Variants in KIAA1328 observed in about 807,000 individuals in gnomAD.
The protein encoded by KIAA1328 is protein hinderin.
Under a neutral mutation model 68.1 loss-of-function variants are expected in KIAA1328, and 52 were observed. That is an observed-to-expected ratio of 0.76 (90% CI 0.61 to 0.96). The LOEUF (loss-of-function observed/expected upper bound fraction) is 0.96, where lower values mean the gene tolerates loss of function less well. Ranked by LOEUF, KIAA1328 falls within the 40% of genes least tolerant of loss-of-function variation. KIAA1328 has a pLI of 0.00. For synonymous variants in KIAA1328, 232 were observed against 239.4 expected (o/e 0.97, Z 0.28); for missense variants, 641 against 677.6 (o/e 0.95, Z 0.60).
intron 7 of KIAA1328, among the ~76,000 whole-genome samples, chr18:37,077,364 A>C (rs368393185): frequency 2.1e-5 from 3 of 146,228 alleles, no homozygotes; most frequent in Non-Finnish European, 3.0e-5. Flanking sequence ...TGACAAACCC[A>C]CAGCCAATAC....
chr18:37,224,618 A>G lies in KIAA1328; in HGVS notation c.*2391A>G, dbSNP rs774078161. 7 of 980,646 alleles carry G rather than the reference A, an allele frequency of 7.1e-6. No homozygotes were observed. Among genetic ancestry groups the G allele is most frequent in the South Asian group, 4.7e-5 (1 of 21,202 alleles). The allele number at this position is 980,646 out of a possible 1,614,324, so 60.7% of individuals were successfully genotyped here. A position where few individuals can be genotyped will look rare whatever the true frequency, so the allele number is the denominator to read the frequency against. Reference sequence around the variant, plus strand: ...TTTACTTTGAAATATATACATACATATGAATGAAAGGTTGTTACAGAGCCT... The same window carrying G: ...TTTACTTTGAAATATATACATACATGTGAATGAAAGGTTGTTACAGAGCCT... On this transcript the variant is annotated 3_prime_UTR_variant, in exon 10 of 10. Coordinates refer to ENST00000280020, the MANE Select transcript of KIAA1328 (RefSeq NM_020776.3).
chr18:37,013,184 C>G (rs1488123542), intron 6 of KIAA1328, among the ~76,000 whole-genome samples: 3 of 152,048 alleles, frequency 2.0e-5, no homozygotes, highest in Non-Finnish European at 2.9e-5. Context: ...GATAGGGTAG[C>G]AAGGCACTAG....
chr18:37,198,389 A>G (rs1236829733), intron 9 of KIAA1328, among the ~76,000 whole-genome samples: 4 of 152,214 alleles, frequency 2.6e-5, no homozygotes, highest in South Asian at 2.1e-4. Context: ...ATGCAGCCAC[A>G]TTGTATGCTG....
At chr18:36,847,035 G>A (rs1460145125) in intron 4 of KIAA1328, among the ~76,000 whole-genome samples, 2 of 151,348 alleles carry the variant, frequency 1.3e-5, no homozygotes, top group African/African-American at 4.8e-5. Context: ...TACAATATTT[G>A]ACCTCTGTAT....
At chr18:36,962,494 C>G (rs940171824) in intron 6 of KIAA1328, among the ~76,000 whole-genome samples, 3 of 152,198 alleles carry the variant, frequency 2.0e-5, no homozygotes, top group Admixed American at 1.3e-4. Context: ...ACAGAACTCT[C>G]TACCCCAAAT....
At chr18:37,205,518 T>G (rs1211320092) in intron 9 of KIAA1328, among the ~76,000 whole-genome samples, 1 of 152,210 alleles carries the variant, frequency 6.6e-6, no homozygotes, top group East Asian at 1.9e-4. Context: ...ATTTTCAACA[T>G]TTTTAGCTCA....
At position 36,844,264 on chromosome 18, in the gene KIAA1328, C is replaced by G. The variant is rs777655826; in HGVS notation, c.294C>G (p.Asp98Glu). The G allele has an allele frequency of 6.9e-6, 11 of 1,605,536 alleles. No homozygotes were observed. The South Asian group carries it at 1.2e-4, about 18-fold the overall frequency. ...SASLKDLCLE[D>E]KRRIANLIKE... ...CATTGAAGGATTTATGTCTTGAAGA[C>G]AAAAGACGCATTGCAAACTTAATTA... Residue 98 changes from aspartate to glutamate, a missense_variant, in exon 4 of 10, where the codon GAC becomes GAG. Coordinates refer to ENST00000280020, the MANE Select transcript of KIAA1328 (RefSeq NM_020776.3).
chr18:36,895,802 G>T, intron 5 of KIAA1328: 1 of 456,050 alleles, frequency 2.2e-6, no homozygotes, highest in Non-Finnish European at 4.4e-6. Context: ...CATACTGGTA[G>T]AGCCCTAATC....
At position 37,069,115 on chromosome 18, in the gene KIAA1328, C is replaced by T. The variant is rs566274095; in HGVS notation, c.1232+1570C>T. On this transcript the variant is annotated intron_variant, in intron 7 of 9. Transcript: ENST00000280020. Reference sequence around the variant, plus strand: ...GATCATGTGATTTGTCTTATTTGCCCTGTTAATATGGTGAATTACATAGAT... The same window carrying T: ...GATCATGTGATTTGTCTTATTTGCCTTGTTAATATGGTGAATTACATAGAT... Among the ~76,000 whole-genome samples, 73 of 152,076 alleles carry T rather than the reference C, an allele frequency of 4.8e-4. No individual in the cohort carries two copies. The South Asian group carries it at 0.015, about 31-fold the overall frequency.
intron 6 of KIAA1328, among the ~76,000 whole-genome samples, chr18:37,005,074 A>G (rs2053730146): frequency 6.6e-6 from 1 of 152,094 alleles, no homozygotes; most frequent in South Asian, 2.1e-4. Flanking sequence ...TAAGAATGAT[A>G]CAATGGACTT....
At chr18:37,185,720 T>TATAC (rs1556914867) in intron 9 of KIAA1328, among the ~76,000 whole-genome samples, 13 of 149,584 alleles carry the variant, frequency 8.7e-5, no homozygotes, top group African/African-American at 2.7e-4. Context: ...TACTGATATA[T>TATAC]ACACACACAC....
At chr18:37,151,216 G>A (rs1005302989) in intron 7 of KIAA1328, among the ~76,000 whole-genome samples, 3 of 152,002 alleles carry the variant, frequency 2.0e-5, no homozygotes, top group Non-Finnish European at 2.9e-5. Context: ...AATAAATTTA[G>A]CAAAAGAAGC....
intron 5 of KIAA1328, among the ~76,000 whole-genome samples, chr18:36,907,755 C>G (rs1340504870): frequency 6.6e-5 from 10 of 152,098 alleles, no homozygotes; most frequent in African/African-American, 2.4e-4. Flanking sequence ...TAGTGCTGGC[C>G]TGAAGGAATG....
rs978899645 is a variant in KIAA1328, at chr18:37,067,424, A to G, written c.1111A>G (p.Met371Val). 2 of 1,604,588 alleles carry G rather than the reference A, an allele frequency of 1.2e-6. No individual in the cohort carries two copies. Among genetic ancestry groups the G allele is most frequent in the African/African-American group, 2.7e-5 (2 of 74,768 alleles). ...CTCAGAAGATAGAAAGCAGCAACTGATGCTTCAGAAAATGGAACTGGAAAT... is the reference window on the plus strand; with the variant it reads ...CTCAGAAGATAGAAAGCAGCAACTGGTGCTTCAGAAAATGGAACTGGAAAT... ...QISEDRKQQLMLQKMELEIEK... is the reference protein window; with the variant it reads ...QISEDRKQQLVLQKMELEIEK... Residue 371 changes from methionine to valine, a missense_variant, in exon 7 of 10, where the codon ATG becomes GTG. Met to Val is a conservative substitution (Grantham distance 21). Coordinates refer to ENST00000280020, the MANE Select transcript of KIAA1328 (RefSeq NM_020776.3).
chr18:36,881,558 G>A (rs2048329539), intron 4 of KIAA1328, among the ~76,000 whole-genome samples: 1 of 152,134 alleles, frequency 6.6e-6, no homozygotes. Flanking sequence ...GTTTTAGTAT[G>A]TTTTCATCAC....
chr18:36,887,948 T>C (rs1252693315), intron 5 of KIAA1328, among the ~76,000 whole-genome samples: 2 of 152,206 alleles, frequency 1.3e-5, no homozygotes, highest in Admixed American at 6.5e-5. Context: ...GGCCCTTGTT[T>C]GGTAAAATAC....
At chr18:36,846,770 G>A (rs1029628931) in intron 4 of KIAA1328, among the ~76,000 whole-genome samples, 1 of 151,314 alleles carries the variant, frequency 6.6e-6, no homozygotes, top group African/African-American at 2.4e-5. Flanking sequence ...TGGATGGGGG[G>A]TGGTAAAGTA....
chr18:37,219,720 A>G (rs1330923053), intron 9 of KIAA1328, among the ~76,000 whole-genome samples: 1 of 152,130 alleles, frequency 6.6e-6, no homozygotes, highest in Non-Finnish European at 1.5e-5. Context: ...CCTATTTTCC[A>G]GGTACTGCCT....
At chr18:37,196,192 C>T (rs994236656) in intron 9 of KIAA1328, among the ~76,000 whole-genome samples, 12 of 152,140 alleles carry the variant, frequency 7.9e-5, no homozygotes, top group South Asian at 2.1e-4. Context: ...TTTTTGGTGA[C>T]GTCTCTGGGT....
Sources: allele counts gnomAD v4.1 joint callset (sites outside exome capture counted in the v4.1 genomes callset), GRCh38; gene constraint gnomAD v4.1.1; transcripts MANE v1.5; gene names NCBI Gene and HGNC (gene_info 2026-07-23, HGNC 2026-07-21).